The following PROM1 variants were observed in gnomAD, a reference collection of about 807,000 sequenced individuals.
PROM1 encodes prominin 1, also known as prominin-1.
In PROM1, 105 loss-of-function variants were observed where a neutral mutation model predicts 116.9. The observed-to-expected ratio is 0.90, with a 90% CI of 0.77 to 1.06. PROM1 has a LOEUF of 1.06. Among genes scored for constraint, PROM1 ranks in the 50% least tolerant of loss-of-function variants. PROM1 has a pLI of 0.00. For missense variants in PROM1, 1,122 were observed against 1,045.2 expected (o/e 1.07, Z -1.01); for synonymous variants, 393 against 387.0 (o/e 1.02, Z -0.18).
intron 5 of PROM1, among the ~76,000 whole-genome samples, chr4:16,028,504 A>G (rs904029870): frequency 6.6e-6 from 1 of 152,240 alleles, no homozygotes; most frequent in Non-Finnish European, 1.5e-5. Flanking sequence ...AAATTTAAAT[A>G]CTATGCAGAC....
At chr4:16,073,868 T>A (rs1459605612) in intron 2 of PROM1, among the ~76,000 whole-genome samples, 1 of 152,136 alleles carries the variant, frequency 6.6e-6, no homozygotes, top group Non-Finnish European at 1.5e-5. Context: ...TAAAATACAT[T>A]GCTTTTCCTT....
rs1365556471 is a variant in PROM1 at position 16,025,333 on chromosome 4, A to G, written c.510-21T>C. 4 of 1,612,902 alleles carry G rather than the reference A, an allele frequency of 2.5e-6. No homozygotes were observed. In the Admixed American group the frequency reaches 5.0e-5, roughly 20 times the overall value. Reference sequence around the variant, plus strand: ...CAATGCTGCAGGAAAAGGCAGAGAGAAGAAAGAGCATTTACTGTGTGGTCC... The same window carrying G: ...CAATGCTGCAGGAAAAGGCAGAGAGGAGAAAGAGCATTTACTGTGTGGTCC... On this transcript the variant is annotated intron_variant, in intron 5 of 27. Coordinates refer to ENST00000447510, the MANE Select transcript of PROM1 (RefSeq NM_006017.3).
At chr4:16,022,161 G>A (rs928957018) in intron 8 of PROM1, among the ~76,000 whole-genome samples, 1 of 143,212 alleles carries the variant, frequency 7.0e-6, no homozygotes, top group Admixed American at 6.9e-5. Flanking sequence ...GGGAGGGAGG[G>A]AGGAAGGAAA....
At chr4:15,988,387 CTT>C (rs1358906222) in intron 19 of PROM1, among the ~76,000 whole-genome samples, 5 of 152,210 alleles carry the variant, frequency 3.3e-5, no homozygotes, top group African/African-American at 4.8e-5. Context: ...GGTTGACAAA[CTT>C]TATCTGTAAA....
intron 2 of PROM1, among the ~76,000 whole-genome samples, chr4:16,061,850 C>T (rs371892186): frequency 4.6e-5 from 7 of 151,218 alleles, no homozygotes; most frequent in African/African-American, 1.7e-4. Context: ...GTGATCATCC[C>T]TTGGCATTCT....
At chr4:15,994,212 G>A (rs1360435146) in intron 15 of PROM1, 141 bp from the exon 16 acceptor site, 2 of 1,473,590 alleles carry the variant, frequency 1.4e-6, no homozygotes, top group East Asian at 2.4e-5. Context: ...GTCCCCAGTG[G>A]CCACACAAAT....
intron 2 of PROM1, among the ~76,000 whole-genome samples, chr4:16,046,231 T>C (rs1430070354): frequency 6.6e-6 from 1 of 152,148 alleles, no homozygotes; most frequent in Admixed American, 6.5e-5. Flanking sequence ...TTGGTGAAAA[T>C]ATAAACATTT....
chr4:16,063,371 G>A (rs1740792806), intron 2 of PROM1, among the ~76,000 whole-genome samples: 1 of 152,094 alleles, frequency 6.6e-6, no homozygotes, highest in Non-Finnish European at 1.5e-5. Context: ...CCGAGGCAGG[G>A]GATCACTTGA....
intron 26 of PROM1, chr4:15,971,609 G>A (rs1041697645): frequency 6.6e-6 from 1 of 152,382 alleles, no homozygotes; most frequent in Non-Finnish European, 1.5e-5. Context: ...TGTGATAATG[G>A]CCTTGACAAC....
intron 26 of PROM1, chr4:15,971,776 C>T (rs1167086574): frequency 6.6e-6 from 1 of 152,294 alleles, no homozygotes; most frequent in African/African-American, 2.4e-5. Flanking sequence ...GCATCAGACA[C>T]ATGAGGTTGG....
intron 1 of PROM1, among the ~76,000 whole-genome samples, chr4:16,077,675 A>C (rs1298815083): frequency 6.6e-6 from 1 of 152,176 alleles, no homozygotes; most frequent in Non-Finnish European, 1.5e-5. Flanking sequence ...GTTTGCCTTC[A>C]AAGTCCAAGA....
intron 19 of PROM1, among the ~76,000 whole-genome samples, chr4:15,988,167 C>T (rs140924800): frequency 0.018 from 2,765 of 152,242 alleles, 86 homozygotes; most frequent in African/African-American, 0.063. Context: ...TGAGCCACCG[C>T]GCCTGGCCAA....
At chr4:15,976,608 A>T (rs1716194334) in intron 26 of PROM1, among the ~76,000 whole-genome samples, 1 of 152,238 alleles carries the variant, frequency 6.6e-6, no homozygotes, top group South Asian at 2.1e-4. Flanking sequence ...GCCAGAGTCC[A>T]GTTGGCTGTG....
intron 26 of PROM1, among the ~76,000 whole-genome samples, chr4:15,974,941 C>T (rs1331690118): frequency 6.6e-6 from 1 of 152,190 alleles, no homozygotes; most frequent in Non-Finnish European, 1.5e-5. Flanking sequence ...CTCATTTGTA[C>T]AGAAGGTATC....
intron 5 of PROM1, among the ~76,000 whole-genome samples, chr4:16,026,433 T>C (rs889279867): frequency 6.6e-6 from 1 of 152,030 alleles, no homozygotes; most frequent in Non-Finnish European, 1.5e-5. Context: ...CTTGTTAGTT[T>C]GTAATCATCC....
At chr4:15,980,303 T>TAAA (rs58036643) in intron 24 of PROM1, 119 bp downstream of exon 24, 218 of 610,062 alleles carry the variant, frequency 3.6e-4, no homozygotes, top group South Asian at 7.8e-4. Context: ...CAACTACTAC[T>TAAA]AAAAAAAAAA....
At chr4:16,050,244 G>C (rs1466660082) in intron 2 of PROM1, among the ~76,000 whole-genome samples, 12 of 150,968 alleles carry the variant, frequency 7.9e-5, no homozygotes, top group Admixed American at 5.9e-4. Context: ...CTGGGTGACA[G>C]AGCAAGACTG....
intron 27 of PROM1, 35 bp downstream of exon 27, chr4:15,971,008 C>T: frequency 1.3e-6 from 2 of 1,510,128 alleles, no homozygotes; most frequent in South Asian, 1.2e-5. Flanking sequence ...AACTATAGTC[C>T]TGTAGATTCT....
chr4:16,022,455 A>G (rs1730147261), intron 8 of PROM1, among the ~76,000 whole-genome samples: 1 of 152,222 alleles, frequency 6.6e-6, no homozygotes, highest in Non-Finnish European at 1.5e-5. Context: ...GACTCATCTT[A>G]ACAACTCCTG....
Sources: gnomAD v4.1 joint callset for allele counts (sites outside exome capture counted in the v4.1 genomes callset) on GRCh38, gnomAD v4.1.1 for gene constraint, MANE v1.5 for transcripts, NCBI Gene and HGNC (gene_info 2026-07-23, HGNC 2026-07-21) for gene names.